CTNNA1: variants seen among roughly 807,000 people sequenced by gnomAD.
The protein encoded by CTNNA1 is catenin alpha-1.
In CTNNA1, 37 loss-of-function variants were observed where a neutral mutation model predicts 98.4. The ratio of observed to expected loss-of-function variants is 0.38; its 90% CI spans 0.29 to 0.49. The LOEUF (loss-of-function observed/expected upper bound fraction) is 0.49. Ranked by LOEUF, CTNNA1 falls within the 20% of genes least tolerant of loss-of-function variation. The probability of loss-of-function intolerance (pLI) is 0.95; values close to 1 mark genes in which losing one functional copy is unlikely to be tolerated. For missense variants in CTNNA1, 761 were observed against 1,147.2 expected (o/e 0.66, Z 4.86); for synonymous variants, 404 against 413.2 (o/e 0.98, Z 0.27).
At chr5:138,822,056 T>C (rs1175141957) in intron 5 of CTNNA1, among the ~76,000 whole-genome samples, 2 of 152,226 alleles carry the variant, frequency 1.3e-5, no homozygotes, top group Admixed American at 6.5e-5. Flanking sequence ...TGATGGTATT[T>C]CGTTATTATT....
At chr5:138,782,494 T>A (rs562279666) in intron 2 of CTNNA1, 2 of 288,692 alleles carry the variant, frequency 6.9e-6, no homozygotes, top group South Asian at 6.1e-5. Context: ...CTGTGTACTT[T>A]TAGTGTTTTA....
At chr5:138,783,675 A>G (rs1755381582) in intron 3 of CTNNA1, among the ~76,000 whole-genome samples, 2 of 152,154 alleles carry the variant, frequency 1.3e-5, no homozygotes. Context: ...TGGGTATTTC[A>G]AGTAATAGTT....
chr5:138,919,712 GTGT>G (rs1762516748), intron 11 of CTNNA1, among the ~76,000 whole-genome samples: 2 of 152,300 alleles, frequency 1.3e-5, no homozygotes, highest in African/African-American at 2.4e-5. Context: ...AAAGGTGGTG[GTGT>G]TTTCAGAGCA....
rs369957417 is a variant in CTNNA1 at position 138,933,550 on chromosome 5, G to A, written c.2434-252G>A. ...TTGAGTGAATAAACACTTGCTGAGG[G>A]GTGGGGGTGAGCAAGGCGAGGTTGC... On this transcript the variant is annotated intron_variant, in intron 17 of 17. Transcript: ENST00000302763. Among the ~76,000 whole-genome samples the A allele has an allele frequency of 3.9e-5, 6 of 152,222 alleles. No homozygotes were observed. In the East Asian group the frequency reaches 1.2e-3, roughly 29 times the overall value.
intron 16 of CTNNA1, 74 bp downstream of exon 16, chr5:138,931,009 G>GGTAA (rs1379411652): frequency 1.3e-5 from 12 of 948,554 alleles, no homozygotes; most frequent in South Asian, 2.6e-5. Flanking sequence ...GTCCATTCAG[G>GGTAA]GTAAGTTTCA....
At chr5:138,908,789 GCT>G (rs1333059203) in intron 10 of CTNNA1, among the ~76,000 whole-genome samples, 6 of 151,982 alleles carry the variant, frequency 3.9e-5, no homozygotes, top group Non-Finnish European at 8.8e-5. Flanking sequence ...AGGTAGGTCG[GCT>G]CTCTCTCTGC....
intron 9 of CTNNA1, 57 bp downstream of exon 9, chr5:138,887,699 TTTAATCACA>T (rs1754381404): frequency 7.0e-7 from 1 of 1,427,698 alleles, no homozygotes; most frequent in South Asian, 1.3e-5. Flanking sequence ...TGTGGTGAGT[TTTAATCACA>T]TTATTTAATC....
intron 7 of CTNNA1, among the ~76,000 whole-genome samples, chr5:138,832,516 G>A (rs530113719): frequency 3.0e-4 from 45 of 152,170 alleles, no homozygotes; most frequent in African/African-American, 1.0e-3. Flanking sequence ...AATCTTAAAA[G>A]GTTTAAAAGT....
chr5:138,862,355 T>C (rs1057206625), intron 7 of CTNNA1, among the ~76,000 whole-genome samples: 1 of 152,224 alleles, frequency 6.6e-6, no homozygotes, highest in African/African-American at 2.4e-5. Flanking sequence ...TACATTTTTT[T>C]CTAAACAAAA....
intron 7 of CTNNA1, among the ~76,000 whole-genome samples, chr5:138,876,005 A>G (rs1284165808): frequency 6.6e-6 from 1 of 152,150 alleles, no homozygotes; most frequent in Non-Finnish European, 1.5e-5. Flanking sequence ...TTTTATAACA[A>G]TGTTTTGTCG....
rs1340461533 is a variant in CTNNA1 at position 138,904,556 on chromosome 5, T to TG, written c.1389+119dup. 72 of 1,333,526 alleles carry TG rather than the reference T, an allele frequency of 5.4e-5. No homozygotes were observed. The Admixed American group carries it at 1.8e-3, about 33-fold the overall frequency. The allele number at this position is 1,333,526 out of a possible 1,614,324, so 82.6% of individuals were successfully genotyped here. A position where few individuals can be genotyped will look rare whatever the true frequency, so the allele number is the denominator to read the frequency against. The stretch of plus-strand genomic sequence containing the variant: ...TTTTTAGGATTTTAGATGGAAGTCT[T>TG]GGGGACAGATCACTGACACAGAACC... On this transcript the variant is annotated intron_variant, in intron 10 of 17. Coordinates refer to ENST00000302763, the MANE Select transcript of CTNNA1 (RefSeq NM_001903.5).
intron 1 of CTNNA1, among the ~76,000 whole-genome samples, chr5:138,758,419 C>G (rs1200792897): frequency 6.7e-6 from 1 of 150,250 alleles, no homozygotes. Flanking sequence ...CGCTCTGTCA[C>G]CAGGCTGGAG....
intron 3 of CTNNA1, among the ~76,000 whole-genome samples, chr5:138,788,422 T>A (rs542221321): frequency 1.4e-4 from 22 of 152,246 alleles, no homozygotes; most frequent in Middle Eastern, 3.4e-3. Flanking sequence ...ATGTTTTTTT[T>A]AAAAAATTGA....
Position 138,917,793 on chromosome 5 carries a change from C to T in CTNNA1, c.1441C>T (p.Gln481Ter). The change falls in exon 11 of 18, where the codon CAA becomes TAA. Residue 481 changes from glutamine to a stop codon, truncating the protein, a stop_gained. Coordinates refer to ENST00000302763, the MANE Select transcript of CTNNA1 (RefSeq NM_001903.5). LOFTEE classifies it high-confidence loss of function. ...AGCAAAACCACAGAGTAAACTGGCCCAAGAGAACATGGATCTTTTTAAAGA... is the reference window on the plus strand; with the variant it reads ...AGCAAAACCACAGAGTAAACTGGCCTAAGAGAACATGGATCTTTTTAAAGA... ...LAAKPQSKLAQENMDLFKEQW... is the reference protein window; with the variant it reads ...LAAKPQSKLA The T allele has an allele frequency of 1.2e-6, 2 of 1,614,086 alleles. No homozygotes were observed. Among genetic ancestry groups the T allele is most frequent in the Non-Finnish European group, 1.7e-6 (2 of 1,180,018 alleles).
chr5:138,916,961 A>T (rs148972326), intron 10 of CTNNA1, among the ~76,000 whole-genome samples: 8,462 of 151,626 alleles, frequency 0.056, 314 homozygotes, highest in Non-Finnish European at 0.084. Context: ...TTTAGTAGAG[A>T]CGGGGTTTCA....
Position 138,775,163 on chromosome 5 carries a change from G to T in CTNNA1, c.-2-6760G>T, listed in dbSNP as rs985201891. ...CTCTCTCCCTTTGCAACCCTGGAAG[G>T]TTCTGTGTTTTGTTTGTGTTAATGC... On this transcript the variant is annotated intron_variant, in intron 1 of 17. Transcript: ENST00000302763. Among the ~76,000 whole-genome samples, 29 of 152,266 alleles carry T rather than the reference G, an allele frequency of 1.9e-4. No individual in the cohort carries two copies. In the South Asian group the frequency reaches 5.6e-3, roughly 29 times the overall value.
chr5:138,819,505 G>A (rs1000755083), intron 5 of CTNNA1, among the ~76,000 whole-genome samples: 2 of 152,296 alleles, frequency 1.3e-5, no homozygotes, highest in African/African-American at 4.8e-5. Flanking sequence ...GCCCTGGGAT[G>A]CTCAGCTGGT....
chr5:138,814,961 C>G (rs1054256838), intron 5 of CTNNA1, among the ~76,000 whole-genome samples: 1 of 152,084 alleles, frequency 6.6e-6, no homozygotes, highest in African/African-American at 2.4e-5. Flanking sequence ...ACCATCTTGG[C>G]CAGGCTACTC....
intron 10 of CTNNA1, among the ~76,000 whole-genome samples, chr5:138,907,574 A>G (rs1338400466): frequency 1.3e-5 from 2 of 152,176 alleles, no homozygotes; most frequent in Non-Finnish European, 2.9e-5. Flanking sequence ...TCTTGTGGGC[A>G]GTGATCACAA....
Sources: allele counts gnomAD v4.1 joint callset (sites outside exome capture counted in the v4.1 genomes callset), GRCh38; gene constraint gnomAD v4.1.1; transcripts MANE v1.5; gene names NCBI Gene and HGNC (gene_info 2026-07-23, HGNC 2026-07-21).